Variants in MRPL1 observed in about 807,000 individuals in gnomAD.
The protein encoded by MRPL1 is mitochondrial ribosomal protein L1.
In MRPL1, 28 loss-of-function variants were observed where a neutral mutation model predicts 38.0. The ratio of observed to expected loss-of-function variants is 0.74; its 90% CI spans 0.55 to 1.01. The LOEUF is 1.01. MRPL1 is among the 50% of genes least tolerant of loss of function. The pLI is 0.00. For synonymous variants in MRPL1, 123 were observed against 126.7 expected (o/e 0.97, Z 0.20); for missense variants, 358 against 389.8 (o/e 0.92, Z 0.69).
At chr4:77,893,505 T>C (rs114003670) in intron 5 of MRPL1, among the ~76,000 whole-genome samples, 2,171 of 152,300 alleles carry the variant, frequency 0.014, 55 homozygotes, top group African/African-American at 0.05. Flanking sequence ...CTTGCCTGAA[T>C]TAATAAAAAT....
intron 7 of MRPL1, among the ~76,000 whole-genome samples, chr4:77,914,589 T>C (rs1736373852): frequency 6.6e-6 from 1 of 152,210 alleles, no homozygotes; most frequent in African/African-American, 2.4e-5. Context: ...GTTTCGTAAA[T>C]TTTATTATTA....
chr4:77,923,052 A>C (rs1237064610), intron 7 of MRPL1, among the ~76,000 whole-genome samples: 1 of 152,158 alleles, frequency 6.6e-6, no homozygotes, highest in Non-Finnish European at 1.5e-5. Context: ...TAGTTTTTAA[A>C]AGAGGTTTGA....
At chr4:77,874,958 T>C (rs995180307) in intron 2 of MRPL1, among the ~76,000 whole-genome samples, 3 of 151,884 alleles carry the variant, frequency 2.0e-5, no homozygotes, top group Non-Finnish European at 4.4e-5. Context: ...ATTTTTTTTT[T>C]TGTATTTTTA....
intron 7 of MRPL1, among the ~76,000 whole-genome samples, chr4:77,946,200 G>A (rs993134072): frequency 3.3e-5 from 5 of 152,074 alleles, no homozygotes; most frequent in African/African-American, 9.7e-5. Context: ...AGAATTGAGC[G>A]ATATTGTTCC....
chr4:77,872,586 C>T (rs1478464358), intron 2 of MRPL1, among the ~76,000 whole-genome samples: 4 of 152,086 alleles, frequency 2.6e-5, no homozygotes, highest in East Asian at 1.9e-4. Flanking sequence ...ACAAAATTAG[C>T]GGGCACCGTG....
At chr4:77,912,077 T>C (rs1736301800) in intron 7 of MRPL1, among the ~76,000 whole-genome samples, 1 of 152,182 alleles carries the variant, frequency 6.6e-6, no homozygotes, top group Non-Finnish European at 1.5e-5. Flanking sequence ...AAACTAGGAA[T>C]AGAAGTCCAT....
intron 7 of MRPL1, among the ~76,000 whole-genome samples, chr4:77,933,235 A>T (rs1736888226): frequency 2.0e-5 from 3 of 152,120 alleles, no homozygotes; most frequent in African/African-American, 7.2e-5. Flanking sequence ...GTGAGCCACC[A>T]CACCCAGCTA....
intron 7 of MRPL1, among the ~76,000 whole-genome samples, chr4:77,946,402 T>C (rs1243438454): frequency 1.3e-5 from 2 of 152,166 alleles, no homozygotes; most frequent in Non-Finnish European, 2.9e-5. Flanking sequence ...GTACAGTTAA[T>C]GCAGTCATCA....
intron 1 of MRPL1, among the ~76,000 whole-genome samples, chr4:77,865,470 A>G (rs1360176814): frequency 6.6e-6 from 1 of 150,664 alleles, no homozygotes; most frequent in African/African-American, 2.4e-5. Flanking sequence ...TGGCCAGGCT[A>G]GAGTGCAGTG....
intron 6 of MRPL1, among the ~76,000 whole-genome samples, chr4:77,903,228 C>T (rs1736074323): frequency 6.6e-6 from 1 of 151,828 alleles, no homozygotes; most frequent in African/African-American, 2.4e-5. Context: ...CAATATAATA[C>T]ACCATGTTAG....
intron 7 of MRPL1, among the ~76,000 whole-genome samples, chr4:77,918,766 G>T (rs542812595): frequency 1.3e-5 from 2 of 152,164 alleles, no homozygotes; most frequent in South Asian, 4.2e-4. Flanking sequence ...GAATTTTTTT[G>T]TTGTTGTTAT....
intron 7 of MRPL1, among the ~76,000 whole-genome samples, chr4:77,924,240 C>T (rs946168275): frequency 2.6e-5 from 3 of 113,528 alleles, no homozygotes; most frequent in Non-Finnish European, 5.6e-5. Flanking sequence ...CAGTGTGTTT[C>T]GTGCCATTTT....
chr4:77,942,547 G>A (rs1442211263), intron 7 of MRPL1, among the ~76,000 whole-genome samples: 1 of 152,176 alleles, frequency 6.6e-6, no homozygotes, highest in African/African-American at 2.4e-5. Flanking sequence ...GGGAGCTCCA[G>A]TGTTAATGCA....
At chr4:77,876,804 C>T (rs1462659031) in intron 2 of MRPL1, among the ~76,000 whole-genome samples, 1 of 152,114 alleles carries the variant, frequency 6.6e-6, no homozygotes, top group Non-Finnish European at 1.5e-5. Context: ...CCTCTATTTG[C>T]CAGTAGCAGA....
At chr4:77,945,128 A>AATAATTATTATT (rs751378508) in intron 7 of MRPL1, among the ~76,000 whole-genome samples, 1 of 141,100 alleles carries the variant, frequency 7.1e-6, no homozygotes, top group Non-Finnish European at 1.5e-5. Flanking sequence ...CTGCACCATC[A>AATAATTATTATT]ATTATTATTA....
chr4:77,934,922 T>G (rs1444098737), intron 7 of MRPL1, among the ~76,000 whole-genome samples: 1 of 152,194 alleles, frequency 6.6e-6, no homozygotes, highest in Non-Finnish European at 1.5e-5. Flanking sequence ...AATAAGCCGG[T>G]CACAAAAGGA....
intron 7 of MRPL1, among the ~76,000 whole-genome samples, chr4:77,925,282 A>G (rs963399108): frequency 4.6e-5 from 7 of 151,730 alleles, no homozygotes; most frequent in African/African-American, 1.7e-4. Context: ...TTAGATATAT[A>G]TGTGTGTGTG....
intron 5 of MRPL1, among the ~76,000 whole-genome samples, chr4:77,887,538 G>T (rs1259599805): frequency 6.6e-6 from 1 of 152,090 alleles, no homozygotes; most frequent in Non-Finnish European, 1.5e-5. Context: ...GTGTTTGTCT[G>T]TGTTTGAGAC....
chr4:77,935,418 G>A (rs1157371421), intron 7 of MRPL1, among the ~76,000 whole-genome samples: 13 of 151,684 alleles, frequency 8.6e-5, no homozygotes, highest in African/African-American at 1.7e-4. Flanking sequence ...TTTTTGAGAC[G>A]GAGTCTCGCT....
Sources: gnomAD v4.1 joint callset for allele counts (sites outside exome capture counted in the v4.1 genomes callset) on GRCh38, gnomAD v4.1.1 for gene constraint, MANE v1.5 for transcripts, NCBI Gene and HGNC (gene_info 2026-07-23, HGNC 2026-07-21) for gene names.